The following ZMIZ1 variants were observed in gnomAD, a reference collection of about 807,000 sequenced individuals.
ZMIZ1 encodes zinc finger MIZ domain-containing protein 1.
A neutral mutation model predicts 113.9 loss-of-function variants in ZMIZ1; 17 were observed. The ratio of observed to expected loss-of-function variants is 0.15; its 90% CI spans 0.10 to 0.22. The LOEUF (loss-of-function observed/expected upper bound fraction) is 0.22, where lower values mean the gene tolerates loss of function less well. ZMIZ1 is among the 10% of genes least tolerant of loss of function. ZMIZ1 has a pLI of 1.00. For synonymous variants in ZMIZ1, 607 were observed against 603.1 expected (o/e 1.01, Z -0.09); for missense variants, 1,059 against 1,477.8 (o/e 0.72, Z 4.65).
At chr10:79,074,067 T>C (rs1197960218) in intron 1 of ZMIZ1, among the ~76,000 whole-genome samples, 1 of 152,228 alleles carries the variant, frequency 6.6e-6, no homozygotes, top group African/African-American at 2.4e-5. Flanking sequence ...CTTTGTATGG[T>C]ACTTGGTGGA....
chr10:79,254,894 C>T (rs1429062187), intron 7 of ZMIZ1, among the ~76,000 whole-genome samples: 1 of 152,228 alleles, frequency 6.6e-6, no homozygotes, highest in Non-Finnish European at 1.5e-5. Flanking sequence ...GGCCCCCATC[C>T]ACTCTTGCTG....
chr10:79,255,912 G>C (rs893480906), intron 7 of ZMIZ1, among the ~76,000 whole-genome samples: 1 of 152,184 alleles, frequency 6.6e-6, no homozygotes, highest in Non-Finnish European at 1.5e-5. Flanking sequence ...ATTGTAAATC[G>C]GAAGACAATT....
At chr10:79,191,718 A>G (rs545847574) in intron 4 of ZMIZ1, among the ~76,000 whole-genome samples, 2 of 152,344 alleles carry the variant, frequency 1.3e-5, no homozygotes, top group East Asian at 3.9e-4. Flanking sequence ...CATGGAAAAC[A>G]TGATACAGAA....
At chr10:79,201,800 A>G in intron 5 of ZMIZ1, 108 bp downstream of exon 5, 1 of 1,224,084 alleles carries the variant, frequency 8.2e-7, no homozygotes, top group South Asian at 1.3e-5. Context: ...CCTCCTGACC[A>G]CCTACCTATC....
At chr10:79,152,194 G>A (rs759254909) in intron 3 of ZMIZ1, among the ~76,000 whole-genome samples, 6 of 152,142 alleles carry the variant, frequency 3.9e-5, no homozygotes, top group Non-Finnish European at 4.4e-5. Context: ...GATGAGATCC[G>A]AGGCAGCTTT....
At chr10:79,082,271 C>T (rs1042291813) in intron 1 of ZMIZ1, among the ~76,000 whole-genome samples, 7 of 152,252 alleles carry the variant, frequency 4.6e-5, no homozygotes, top group African/African-American at 1.7e-4. Flanking sequence ...CTGGGGGCCG[C>T]TGCCCTATAG....
intron 1 of ZMIZ1, among the ~76,000 whole-genome samples, chr10:79,081,001 G>A (rs1231547359): frequency 2.0e-5 from 3 of 152,074 alleles, no homozygotes; most frequent in South Asian, 2.1e-4. Context: ...CCTGTCATAC[G>A]GATGACTTAT....
At chr10:79,302,860 A>ATT (rs1854414474) in intron 18 of ZMIZ1, among the ~76,000 whole-genome samples, 1 of 106,030 alleles carries the variant, frequency 9.4e-6, no homozygotes, top group Non-Finnish European at 2.0e-5. Context: ...CGCCCAGCTA[A>ATT]GTTTTTTTTT....
At position 79,292,272 on chromosome 10, in the gene ZMIZ1, A is replaced by G. The variant is rs1472030915; in HGVS notation, c.873A>G (p.Ala291=). 1.9e-6 allele frequency: 3 copies of G among 1,611,998 alleles called. No homozygotes were observed. The highest frequency in any genetic ancestry group is 2.2e-5 in the East Asian group (1 of 44,874). The stretch of plus-strand genomic sequence containing the variant: ...CTGCAGCAGCGGCAGTGGCAGCAGC[A>G]GCAGCCACAGCTACAGCCACAGCCA... ...AAAAAAAVAA[A]AATATATATA... The change falls in exon 11 of 25, where the codon GCA becomes GCG. Residue 291 remains alanine (A), a synonymous_variant. Transcript: ENST00000334512.
At chr10:79,300,688 GCCC>G in intron 16 of ZMIZ1, 41 bp from the exon 17 acceptor site, 1 of 1,582,454 alleles carries the variant, frequency 6.3e-7, no homozygotes, top group South Asian at 1.2e-5. Context: ...GCCATGGACA[GCCC>G]CCTGGCAGAG....
At chr10:79,202,296 T>C (rs1332802476) in intron 5 of ZMIZ1, among the ~76,000 whole-genome samples, 1 of 151,280 alleles carries the variant, frequency 6.6e-6, no homozygotes, top group Non-Finnish European at 1.5e-5. Flanking sequence ...ATTTACTAAT[T>C]TATTTAAAAA....
At position 79,315,572 on chromosome 10, in the gene ZMIZ1, C is replaced by G. The variant is rs1855481113; in HGVS notation, c.*2823C>G. 6.5e-6 allele frequency: 1 copy of G among 152,818 alleles called. No individual in the cohort carries two copies. The highest frequency in any genetic ancestry group is 2.1e-4 in the South Asian group (1 of 4,836). The allele number at this position is 152,818 out of a possible 1,614,324, so 9.5% of individuals were successfully genotyped here. A position where few individuals can be genotyped will look rare whatever the true frequency, so the allele number is the denominator to read the frequency against. ...GAAGGGCCAAGTACAGGCAATCACC[C>G]CCATCTTCTTGGTTTGAAGCTTTAT... On this transcript the variant is annotated 3_prime_UTR_variant, in exon 25 of 25. Coordinates refer to ENST00000334512, the MANE Select transcript of ZMIZ1 (RefSeq NM_020338.4).
At chr10:79,279,185 G>A (rs898346211) in intron 8 of ZMIZ1, among the ~76,000 whole-genome samples, 3 of 151,898 alleles carry the variant, frequency 2.0e-5, no homozygotes, top group Non-Finnish European at 4.4e-5. Context: ...CTGCCAGGGG[G>A]AGGGGCTCCT....
In ZMIZ1 at chr10:79,299,202, G is replaced by C. The variant is rs1274082683; in HGVS notation, c.1808+11G>C. On this transcript the variant is annotated intron_variant, in intron 16 of 24. Transcript: ENST00000334512. The stretch of plus-strand genomic sequence containing the variant: ...GACGCTGATGTGGAGGTGCGTGTCA[G>C]GGCAGGGGCGCCAGCCCAGGCGGGA... 3 of 1,597,216 alleles carry C rather than the reference G, an allele frequency of 1.9e-6. No individual in the cohort carries two copies. The highest frequency in any genetic ancestry group is 2.6e-6 in the Non-Finnish European group (3 of 1,175,954).
intron 4 of ZMIZ1, among the ~76,000 whole-genome samples, chr10:79,177,508 C>A (rs703988): frequency 3.9e-5 from 6 of 152,164 alleles, no homozygotes; most frequent in Admixed American, 2.0e-4. Context: ...TGAGAAGGGC[C>A]GGGGGAGATC....
At chr10:79,204,399 C>T (rs1848225839) in intron 5 of ZMIZ1, among the ~76,000 whole-genome samples, 2 of 152,354 alleles carry the variant, frequency 1.3e-5, no homozygotes, top group Non-Finnish European at 2.9e-5. Context: ...ATCACTGCCA[C>T]ATCCCAGCTC....
chr10:79,185,469 A>T (rs1847312295), intron 4 of ZMIZ1, among the ~76,000 whole-genome samples: 1 of 151,128 alleles, frequency 6.6e-6, no homozygotes, highest in African/African-American at 2.4e-5. Context: ...CCTTCTCTCC[A>T]ATTGTTGACT....
In ZMIZ1 at chr10:79,093,171, C is replaced by CAT. The variant is rs1554849369; in HGVS notation, c.-337+23902_-337+23903insTA. On this transcript the variant is annotated intron_variant, in intron 1 of 24. Transcript: ENST00000334512. ...ACACACACACACACACACACACACA[C>CAT]ACACATATTCAGGGGATGCTTTAGG... 1.5e-3 allele frequency among the ~76,000 whole-genome samples: 219 copies of CAT among 142,536 alleles called. 7 individuals are homozygous for CAT. The highest frequency in any genetic ancestry group is 5.1e-3 in the African/African-American group (192 of 37,984). The allele number at this position is 142,536 out of a possible 152,430, so 93.5% of individuals were successfully genotyped here. A position where few individuals can be genotyped will look rare whatever the true frequency, so the allele number is the denominator to read the frequency against.
chr10:79,108,049 A>T (rs917410890), intron 1 of ZMIZ1, among the ~76,000 whole-genome samples: 1 of 152,130 alleles, frequency 6.6e-6, no homozygotes, highest in South Asian at 2.1e-4. Context: ...GTCACCAGTG[A>T]TCTGCTTCCA....
Sources: gnomAD v4.1 joint callset for allele counts (sites outside exome capture counted in the v4.1 genomes callset) on GRCh38, gnomAD v4.1.1 for gene constraint, MANE v1.5 for transcripts, NCBI Gene and HGNC (gene_info 2026-07-23, HGNC 2026-07-21) for gene names.